The following NEDD4 variants were observed in gnomAD, a reference collection of about 807,000 sequenced individuals.
The protein encoded by NEDD4 is NEDD4 E3 ubiquitin protein ligase.
In NEDD4, 99 loss-of-function variants were observed where a neutral mutation model predicts 144.9. That is an observed-to-expected ratio of 0.68 (90% CI 0.58 to 0.81). NEDD4 has a LOEUF of 0.81. Ranked by LOEUF, NEDD4 falls within the 30% of genes least tolerant of loss-of-function variation. The pLI, the probability that NEDD4 is intolerant of heterozygous loss-of-function variation, is 0.00. For missense variants in NEDD4, 985 were observed against 1,065.9 expected (o/e 0.92, Z 1.06); for synonymous variants, 318 against 350.6 (o/e 0.91, Z 1.04).
intron 5 of NEDD4, among the ~76,000 whole-genome samples, chr15:55,893,786 T>C (rs1178997359): frequency 6.7e-6 from 1 of 148,792 alleles, no homozygotes; most frequent in Non-Finnish European, 1.5e-5. Flanking sequence ...ATCCACACTA[T>C]ATGGATTCAT....
intron 5 of NEDD4, among the ~76,000 whole-genome samples, chr15:55,881,990 T>C (rs952600252): frequency 5.9e-5 from 9 of 152,152 alleles, no homozygotes; most frequent in Middle Eastern, 3.2e-3. Context: ...ATCCCCTGGG[T>C]GGCAAGATCA....
chr15:55,875,239 T>C (rs1462034145), intron 5 of NEDD4, among the ~76,000 whole-genome samples: 2 of 152,136 alleles, frequency 1.3e-5, no homozygotes, highest in African/African-American at 4.8e-5. Flanking sequence ...AATAAGGTCA[T>C]AATGAATGAA....
At chr15:55,868,476 G>C (rs574970164) in intron 8 of NEDD4, among the ~76,000 whole-genome samples, 1 of 152,320 alleles carries the variant, frequency 6.6e-6, no homozygotes, top group African/African-American at 2.4e-5. Context: ...ACTGAATCAT[G>C]AGAGTGAGTT....
At chr15:55,915,831 G>A (rs777540474) in intron 5 of NEDD4, 18 of 1,613,702 alleles carry the variant, frequency 1.1e-5, no homozygotes, top group Non-Finnish European at 1.5e-5. Flanking sequence ...TTCTCCGGGG[G>A]TACAAATTGT....
rs56285555 is a variant in NEDD4 at position 55,974,891 on chromosome 15, C to CTTTTTTTTTTTTTTTTTTTTTTT, written c.46-8346_46-8345insAAAAAAAAAAAAAAAAAAAAAAA. Among the ~76,000 whole-genome samples the CTTTTTTTTTTTTTTTTTTTTTTT allele has an allele frequency of 2.7e-3, 207 of 75,694 alleles. 23 individuals carry two copies. The highest frequency in any genetic ancestry group is 4.2e-3 in the East Asian group (10 of 2,406). The allele number at this position is 75,694 out of a possible 152,430, so 49.7% of individuals were successfully genotyped here. A position where few individuals can be genotyped will look rare whatever the true frequency, so the allele number is the denominator to read the frequency against. On this transcript the variant is annotated intron_variant, in intron 1 of 28. Coordinates refer to ENST00000435532, the MANE Select transcript of NEDD4 (RefSeq NM_006154.4). ...TAAGGATGTCCATTTCTTTTCCTTTCTTTTTTTTTTTTTTTTTTTTTGAGA... is the reference window on the plus strand; with the variant it reads ...TAAGGATGTCCATTTCTTTTCCTTTCTTTTTTTTTTTTTTTTTTTTTTTTTTTTTTTTTTTTTTTTTTTTGAGA...
chr15:55,954,699 T>A (rs963484331), intron 2 of NEDD4, among the ~76,000 whole-genome samples: 2 of 152,024 alleles, frequency 1.3e-5, no homozygotes, highest in African/African-American at 4.8e-5. Context: ...TAATTTTGTA[T>A]TTTTAGTAGA....
At chr15:55,927,377 C>A (rs2036695494) in intron 4 of NEDD4, among the ~76,000 whole-genome samples, 1 of 151,974 alleles carries the variant, frequency 6.6e-6, no homozygotes, top group Non-Finnish European at 1.5e-5. Context: ...GTGGTGCGAT[C>A]ACAGCTCAGT....
At chr15:55,917,394 T>A (rs2036482112) in intron 5 of NEDD4, among the ~76,000 whole-genome samples, 1 of 151,774 alleles carries the variant, frequency 6.6e-6, no homozygotes, top group South Asian at 2.1e-4. Flanking sequence ...AAGCATCAAA[T>A]CAAAGATTGA....
At chr15:55,884,999 A>T (rs1313777995) in intron 5 of NEDD4, among the ~76,000 whole-genome samples, 2 of 152,176 alleles carry the variant, frequency 1.3e-5, no homozygotes, top group African/African-American at 4.8e-5. Context: ...TCCTCAAGAT[A>T]TTTATTAACA....
intron 21 of NEDD4, among the ~76,000 whole-genome samples, chr15:55,840,187 TAGAC>T (rs2033438143): frequency 6.6e-6 from 1 of 151,086 alleles, no homozygotes; most frequent in Non-Finnish European, 1.5e-5. Context: ...GACTGATGGA[TAGAC>T]AGATAGGTAT....
chr15:55,961,544 C>T (rs2037426729), intron 2 of NEDD4, among the ~76,000 whole-genome samples: 1 of 152,108 alleles, frequency 6.6e-6, no homozygotes, highest in Non-Finnish European at 1.5e-5. Context: ...CATCTTGGCT[C>T]ACTGCAACCT....
intron 1 of NEDD4, among the ~76,000 whole-genome samples, chr15:55,978,920 C>T (rs1401418602): frequency 6.1e-5 from 4 of 66,056 alleles, no homozygotes; most frequent in East Asian, 9.5e-4. Flanking sequence ...TTCTTGACAA[C>T]GCAAAAAAAA....
Position 55,925,496 on chromosome 15 carries a change from G to A in NEDD4, c.238-797C>T, listed in dbSNP as rs570973961. 4.6e-5 allele frequency among the ~76,000 whole-genome samples: 7 copies of A among 152,148 alleles called. No homozygotes were observed. In the South Asian group the frequency reaches 8.3e-4, roughly 18 times the overall value. On this transcript the variant is annotated intron_variant, in intron 4 of 28. Coordinates refer to ENST00000435532, the MANE Select transcript of NEDD4 (RefSeq NM_006154.4). Reference sequence around the variant, plus strand: ...CATAGCAGTCAAAAGTATACACTGCGTTTTCACTTAAGGTTTAAGCTTTGT... The same window carrying A: ...CATAGCAGTCAAAAGTATACACTGCATTTTCACTTAAGGTTTAAGCTTTGT...
At chr15:55,905,872 G>A (rs575708130) in intron 5 of NEDD4, among the ~76,000 whole-genome samples, 26 of 152,146 alleles carry the variant, frequency 1.7e-4, no homozygotes, top group African/African-American at 5.8e-4. Flanking sequence ...AAGCTCTTTA[G>A]TTTAATTAGA....
intron 5 of NEDD4, among the ~76,000 whole-genome samples, chr15:55,889,508 G>A (rs1363201737): frequency 2.0e-5 from 3 of 152,132 alleles, no homozygotes; most frequent in Non-Finnish European, 4.4e-5. Context: ...TTATTTGTGG[G>A]AGCTAAAAAT....
rs772734015 is a variant in NEDD4 at position 55,841,928 on chromosome 15, A to G, written c.1838+6T>C. Reference sequence around the variant, plus strand: ...TTCTGCCGATAATCATTGTAAAGGTACTTACGTAGCAGAATATTCAAACAA... The same window carrying G: ...TTCTGCCGATAATCATTGTAAAGGTGCTTACGTAGCAGAATATTCAAACAA... On this transcript the variant is annotated splice_donor_region_variant and intron_variant, in intron 19 of 28. Transcript: ENST00000435532. 8.1e-6 allele frequency: 13 copies of G among 1,598,318 alleles called. No individual in the cohort carries two copies. The African/African-American group carries it at 1.7e-4, about 21-fold the overall frequency.
At chr15:55,896,984 C>CT (rs566884291) in intron 5 of NEDD4, among the ~76,000 whole-genome samples, 2 of 151,578 alleles carry the variant, frequency 1.3e-5, no homozygotes, top group Admixed American at 6.6e-5. Context: ...ATTGACATGG[C>CT]TTTTTTTGAG....
intron 21 of NEDD4, 54 bp from the exon 22 acceptor site, chr15:55,838,658 T>C: frequency 8.1e-7 from 1 of 1,230,900 alleles, no homozygotes; most frequent in Non-Finnish European, 1.2e-6. Context: ...CACCTGAAAT[T>C]GCAAAAAACA....
intron 5 of NEDD4, among the ~76,000 whole-genome samples, chr15:55,892,312 A>C (rs895725601): frequency 2.4e-5 from 3 of 122,916 alleles, no homozygotes; most frequent in Non-Finnish European, 3.5e-5. Flanking sequence ...AAATAAATAA[A>C]TAAATAAATA....
Sources: allele counts gnomAD v4.1 joint callset (sites outside exome capture counted in the v4.1 genomes callset), GRCh38; gene constraint gnomAD v4.1.1; transcripts MANE v1.5; gene names NCBI Gene and HGNC (gene_info 2026-07-23, HGNC 2026-07-21).